Variants in TPGS2 observed in about 807,000 individuals in gnomAD.
TPGS2 encodes tubulin polyglutamylase complex subunit 2.
Under a neutral mutation model 31.1 loss-of-function variants are expected in TPGS2, and 26 were observed. The observed-to-expected ratio is 0.84, with a 90% CI of 0.61 to 1.16. The LOEUF (loss-of-function observed/expected upper bound fraction) is 1.16. Among genes scored for constraint, TPGS2 ranks in the 50% most tolerant of loss-of-function variants. The pLI is 0.00. For synonymous variants in TPGS2, 130 were observed against 136.6 expected, an observed-to-expected ratio of 0.95 and a Z score of 0.34; for missense variants, 351 against 363.8, an observed-to-expected ratio of 0.96 and a Z score of 0.29.
intron 2 of TPGS2, chr18:36,817,818 T>C (rs894720535): frequency 6.6e-5 from 10 of 152,222 alleles, no homozygotes; most frequent in African/African-American, 2.4e-4. Flanking sequence ...TTATTATTCA[T>C]TTAGTATGGA....
In TPGS2 at chr18:36,794,665, G is replaced by C. The variant is rs140625184; in HGVS notation, c.*2140C>G. 526 of 985,262 alleles carry C rather than the reference G, an allele frequency of 5.3e-4. 7 individuals are homozygous for C. The Admixed American group carries it at 0.02, about 38-fold the overall frequency. 61.0% of individuals were successfully genotyped at this position (985,262 alleles called of 1,614,324 possible). ...AATTCTGGCAAGAAAAATACTTCTG[G>C]AAGACTAAACTCCAGCTATTGTCCT... On this transcript the variant is annotated 3_prime_UTR_variant, in exon 7 of 7. Coordinates refer to ENST00000334295, the MANE Select transcript of TPGS2 (RefSeq NM_015476.4).
downstream of TPGS2, among the ~76,000 whole-genome samples, chr18:36,791,911 T>A (rs148314138): frequency 2.2e-3 from 328 of 151,036 alleles, 1 homozygote; most frequent in African/African-American, 7.6e-3. Flanking sequence ...GTGCCTCTGG[T>A]CCCAGGTACT....
chr18:36,795,302 T>C lies in TPGS2; in HGVS notation c.*1503A>G, dbSNP rs524926. 0.023 allele frequency: 22,341 copies of C among 985,442 alleles called. 3,741 individuals carry two copies. The African/African-American group carries it at 0.35, about 16-fold the overall frequency. 61.0% of individuals were successfully genotyped at this position (985,442 alleles called of 1,614,324 possible). ...CCTGGGTCGATTAGCAGGTAGACAG[T>C]GCAAAGGAAGGAAGTCTGGCCAATC... is the stretch of plus-strand genomic sequence containing the variant. On this transcript the variant is annotated 3_prime_UTR_variant, in exon 7 of 7. Transcript: ENST00000334295.
intron 1 of TPGS2, among the ~76,000 whole-genome samples, chr18:36,823,460 G>GTTTTTTT (rs919277214): frequency 0.19 from 20,473 of 107,234 alleles, 3,736 homozygotes; most frequent in African/African-American, 0.4. Context: ...TTAACAGCTT[G>GTTTTTTT]TTTTTTTTTT....
intron 6 of TPGS2, among the ~76,000 whole-genome samples, chr18:36,784,544 A>G (rs1172883684): frequency 6.6e-6 from 1 of 152,262 alleles, no homozygotes; most frequent in African/African-American, 2.4e-5. Context: ...GTTTGTCAAA[A>G]AAGGTGGTCT....
chr18:36,811,787 T>A (rs983722856), intron 2 of TPGS2, among the ~76,000 whole-genome samples: 1 of 152,200 alleles, frequency 6.6e-6, no homozygotes, highest in Non-Finnish European at 1.5e-5. Flanking sequence ...TTATTAAGTA[T>A]CTATTATGGG....
intron 6 of TPGS2, chr18:36,798,040 A>G (rs899442612): frequency 2.0e-6 from 1 of 493,626 alleles, no homozygotes; most frequent in Admixed American, 5.2e-5. Context: ...CTTTATGTGC[A>G]ATGAGTATCT....
At position 36,795,955 on chromosome 18, in the gene TPGS2, T is replaced by C; in HGVS notation, c.*850A>G. The C allele has an allele frequency of 4.1e-6, 4 of 985,448 alleles. No individual in the cohort carries two copies. The highest frequency in any genetic ancestry group is 4.8e-6 in the Non-Finnish European group (4 of 829,930). The allele number at this position is 985,448 out of a possible 1,614,324, so 61.0% of individuals were successfully genotyped here. ...TTGGGAATTTTTTGTTTTTAAATGG[T>C]AAGAATAAAGTATAGCAGAAGTACA... On this transcript the variant is annotated 3_prime_UTR_variant, in exon 7 of 7. Coordinates refer to ENST00000334295, the MANE Select transcript of TPGS2 (RefSeq NM_015476.4).
At position 36,795,398 on chromosome 18, in the gene TPGS2, C is replaced by T. The variant is rs1372684499; in HGVS notation, c.*1407G>A. The T allele has an allele frequency of 2.1e-5, 21 of 985,258 alleles. No individual in the cohort carries two copies. Among genetic ancestry groups the T allele is most frequent in the Non-Finnish European group, 2.5e-5 (21 of 829,932 alleles). 61.0% of individuals were successfully genotyped at this position (985,258 alleles called of 1,614,324 possible). A position where few individuals can be genotyped will look rare whatever the true frequency, so the allele number is the denominator to read the frequency against. ...TGAAGTGTGCAGATGGTAGAGGCCC[C>T]TGCACCTCATTCCTCAAAACTCCTA... On this transcript the variant is annotated 3_prime_UTR_variant, in exon 7 of 7. Transcript: ENST00000334295.
Position 36,828,700 on chromosome 18 carries a change from C to G in TPGS2, c.68G>C (p.Gly23Ala), listed in dbSNP as rs1334559345. The change falls in exon 1 of 7, where the codon GGC becomes GCC. Residue 23 changes from glycine (G) to alanine (A), a missense_variant. Physicochemically the swap from Gly to Ala is moderately conservative, Grantham distance 60. Transcript: ENST00000334295. ...TTCCTCACCTAGGATGCGCGTGATGCCCAGGGTCAGCTTCTCCAGGTGCGG... is the reference window on the plus strand; with the variant it reads ...TTCCTCACCTAGGATGCGCGTGATGGCCAGGGTCAGCTTCTCCAGGTGCGG... Reference protein sequence around the residue: ...SKPHLEKLTLGITRILESSPG... With the variant: ...SKPHLEKLTLAITRILESSPG... The G allele has an allele frequency of 6.2e-7, 1 of 1,614,060 alleles. No individual in the cohort carries two copies. The highest frequency in any genetic ancestry group is 1.3e-5 in the African/African-American group (1 of 74,958).
Position 36,803,242 on chromosome 18 carries a change from CTG to C in TPGS2, c.382+2130_382+2131del, listed in dbSNP as rs201845297. 6.7e-3 allele frequency among the ~76,000 whole-genome samples: 1,017 copies of C among 152,318 alleles called. 6 individuals carry two copies. The highest frequency in any genetic ancestry group is 0.017 in the Middle Eastern group (5 of 294). On this transcript the variant is annotated intron_variant, in intron 4 of 6. Transcript: ENST00000334295. ...ACTTATTCCTCCTGTCTCACTGAAACTGTGCCTGTTGACCAACGTTTCCCCTT... is the reference window on the plus strand; with the variant it reads ...ACTTATTCCTCCTGTCTCACTGAAACTGCCTGTTGACCAACGTTTCCCCTT...
intron 5 of TPGS2, 78 bp downstream of exon 5, chr18:36,800,120 T>G (rs2044730742): frequency 2.3e-6 from 3 of 1,321,208 alleles, no homozygotes; most frequent in Non-Finnish European, 3.3e-6. Flanking sequence ...GGTATGTGTC[T>G]CCTGAGCCAT....
rs1383400583 is a variant in TPGS2 at position 36,794,202 on chromosome 18, G to GA, written c.*2602dup. Reference sequence around the variant, plus strand: ...TTGAGAAAGACACTATGGAAGAAAGGAAAAACATTACATTTTAGTACCTGT... The same window carrying GA: ...TTGAGAAAGACACTATGGAAGAAAGGAAAAAACATTACATTTTAGTACCTGT... On this transcript the variant is annotated 3_prime_UTR_variant, in exon 7 of 7. Coordinates refer to ENST00000334295, the MANE Select transcript of TPGS2 (RefSeq NM_015476.4). The GA allele has an allele frequency of 1.1e-6, 1 of 895,640 alleles. No individual in the cohort carries two copies. Among genetic ancestry groups the GA allele is most frequent in the Non-Finnish European group, 1.3e-6 (1 of 748,234 alleles). The allele number at this position is 895,640 out of a possible 1,614,324, so 55.5% of individuals were successfully genotyped here.
chr18:36,797,934 G>A (rs2044613860), intron 6 of TPGS2: 1 of 160,526 alleles, frequency 6.2e-6, no homozygotes, highest in East Asian at 1.8e-4. Context: ...GCCCCAAGAT[G>A]GAGTGTTATG....
At chr18:36,794,020 C>T (rs565335043), downstream of TPGS2, 733 of 156,570 alleles carry the variant, frequency 4.7e-3, 5 homozygotes, top group South Asian at 0.023. Flanking sequence ...GGATCACAGG[C>T]GTGAGCCACC....
At chr18:36,784,778 C>T (rs549434692) in intron 6 of TPGS2, among the ~76,000 whole-genome samples, 32 of 152,228 alleles carry the variant, frequency 2.1e-4, no homozygotes, top group African/African-American at 7.0e-4. Context: ...GAAGATAAGA[C>T]GTGATATATA....
In TPGS2 at chr18:36,798,142, TC is replaced by T. The variant is rs149771150; in HGVS notation, c.657+306del. On this transcript the variant is annotated intron_variant, in intron 6 of 6. Coordinates refer to ENST00000334295, the MANE Select transcript of TPGS2 (RefSeq NM_015476.4). Reference sequence around the variant, plus strand: ...GAGTGAGAATCTGACTTTTCACTCTTCCTGGGTGCATGTACTGCCAACCCAG... The same window carrying T: ...GAGTGAGAATCTGACTTTTCACTCTTCTGGGTGCATGTACTGCCAACCCAG... The T allele has an allele frequency of 2.6e-3, 2,958 of 1,148,524 alleles. 51 individuals carry two copies. In the African/African-American group the frequency reaches 0.043, roughly 17 times the overall value. The allele number at this position is 1,148,524 out of a possible 1,614,324, so 71.1% of individuals were successfully genotyped here.
intron 2 of TPGS2, among the ~76,000 whole-genome samples, chr18:36,812,199 A>G (rs2045460732): frequency 6.6e-6 from 1 of 152,154 alleles, no homozygotes; most frequent in Non-Finnish European, 1.5e-5. Flanking sequence ...CTGGCATACA[A>G]TTTCTAAAAT....
intron 1 of TPGS2, chr18:36,823,922 T>C: frequency 1.1e-6 from 1 of 925,828 alleles, no homozygotes; most frequent in Non-Finnish European, 1.3e-6. Flanking sequence ...AATTCCTTTT[T>C]AAAAATAGCT....
Sources: gnomAD v4.1 joint callset for allele counts (sites outside exome capture counted in the v4.1 genomes callset) on GRCh38, gnomAD v4.1.1 for gene constraint, MANE v1.5 for transcripts, NCBI Gene and HGNC (gene_info 2026-07-23, HGNC 2026-07-21) for gene names.